Variants in RAD51B observed in about 807,000 individuals in gnomAD.
The protein encoded by RAD51B is RAD51 paralog B.
A neutral mutation model predicts 42.2 loss-of-function variants in RAD51B; 38 were observed. That is an observed-to-expected ratio of 0.90 (90% CI 0.70 to 1.18). The LOEUF (loss-of-function observed/expected upper bound fraction) is 1.18, where lower values mean the gene tolerates loss of function less well. Among genes scored for constraint, RAD51B ranks in the 50% most tolerant of loss-of-function variants. The probability of loss-of-function intolerance (pLI) is 0.00; values close to 1 mark genes in which losing one functional copy is unlikely to be tolerated. For missense variants in RAD51B, 373 were observed against 400.7 expected, an observed-to-expected ratio of 0.93 and a Z score of 0.59; for synonymous variants, 154 against 145.2, an observed-to-expected ratio of 1.06 and a Z score of -0.43.
At chr14:68,038,012 G>A (rs2076161023) in intron 7 of RAD51B, among the ~76,000 whole-genome samples, 1 of 152,182 alleles carries the variant, frequency 6.6e-6, no homozygotes, top group African/African-American at 2.4e-5. Context: ...AAGGGATCAA[G>A]CACAACTTAA....
chr14:68,299,173 T>A (rs1266500880), intron 8 of RAD51B, among the ~76,000 whole-genome samples: 2 of 152,024 alleles, frequency 1.3e-5, no homozygotes, highest in Non-Finnish European at 2.9e-5. Context: ...AATTTTAGCA[T>A]ACATCAGAAT....
chr14:68,593,697 T>C (rs1890858934), intron 10 of RAD51B, among the ~76,000 whole-genome samples: 1 of 152,174 alleles, frequency 6.6e-6, no homozygotes, highest in African/African-American at 2.4e-5. Flanking sequence ...GATGCCACTA[T>C]TGTCTAATTA....
rs1251452759 is a variant in RAD51B, at chr14:68,265,490, C to G, written c.757-26394C>G. ...GTCGGCCAGGCGCGGTGGCTCACACCTGTAATCCTAGCACTTTGGGAGGCT... is the reference window on the plus strand; with the variant it reads ...GTCGGCCAGGCGCGGTGGCTCACACGTGTAATCCTAGCACTTTGGGAGGCT... On this transcript the variant is annotated intron_variant, in intron 7 of 10. Coordinates refer to ENST00000471583, the MANE Select transcript of RAD51B (RefSeq NM_133510.4). Among the ~76,000 whole-genome samples the G allele has an allele frequency of 5.3e-5, 8 of 152,328 alleles. No homozygotes were observed. The East Asian group carries it at 1.5e-3, about 29-fold the overall frequency.
chr14:67,938,202 T>G (rs1158940055), intron 7 of RAD51B, among the ~76,000 whole-genome samples: 1 of 152,232 alleles, frequency 6.6e-6, no homozygotes, highest in Non-Finnish European at 1.5e-5. Flanking sequence ...TGTTAAGCCT[T>G]CTGGAATAAC....
intron 10 of RAD51B, chr14:68,541,800 G>T: frequency 1.0e-6 from 1 of 985,292 alleles, no homozygotes; most frequent in Non-Finnish European, 1.2e-6. Flanking sequence ...ACTTTAAATG[G>T]CCACTCTGCA....
chr14:68,248,895 A>T (rs529396680), intron 7 of RAD51B, among the ~76,000 whole-genome samples: 13 of 152,364 alleles, frequency 8.5e-5, no homozygotes, highest in African/African-American at 3.1e-4. Flanking sequence ...ATTGGGATGG[A>T]TGTGCCCATT....
At chr14:68,455,263 C>T (rs1057256320) in intron 9 of RAD51B, among the ~76,000 whole-genome samples, 2 of 152,254 alleles carry the variant, frequency 1.3e-5, no homozygotes, top group South Asian at 4.2e-4. Flanking sequence ...ATCCAGAATT[C>T]TATATCCAGC....
chr14:68,101,245 C>T (rs938684449), intron 7 of RAD51B, among the ~76,000 whole-genome samples: 1 of 152,152 alleles, frequency 6.6e-6, no homozygotes, highest in Admixed American at 6.5e-5. Context: ...AAAACTTTAT[C>T]ATTCCACCCC....
At chr14:68,065,889 G>A (rs2076642185) in intron 7 of RAD51B, among the ~76,000 whole-genome samples, 1 of 151,920 alleles carries the variant, frequency 6.6e-6, no homozygotes, top group Non-Finnish European at 1.5e-5. Context: ...ACTTCTGGTT[G>A]GGAATATAAA....
chr14:67,841,983 T>C (rs2041445007), intron 4 of RAD51B, among the ~76,000 whole-genome samples: 1 of 152,238 alleles, frequency 6.6e-6, no homozygotes, highest in African/African-American at 2.4e-5. Flanking sequence ...TTGGGAAATA[T>C]GCCATTTTAA....
At chr14:68,588,839 A>C (rs1057134585) in intron 10 of RAD51B, among the ~76,000 whole-genome samples, 3 of 152,204 alleles carry the variant, frequency 2.0e-5, no homozygotes, top group Admixed American at 6.5e-5. Flanking sequence ...TTCCCAAGCT[A>C]ATGTAATGGA....
intron 9 of RAD51B, among the ~76,000 whole-genome samples, chr14:68,414,516 C>T (rs2084500482): frequency 6.6e-6 from 1 of 152,006 alleles, no homozygotes; most frequent in African/African-American, 2.4e-5. Context: ...CTACCCCGTG[C>T]ATGGTATGGG....
intron 7 of RAD51B, among the ~76,000 whole-genome samples, chr14:68,288,116 CTG>C (rs1333376517): frequency 1.2e-4 from 19 of 152,306 alleles, no homozygotes; most frequent in African/African-American, 4.6e-4. Flanking sequence ...AGAAACCAGA[CTG>C]TGTTGAGTCT....
chr14:68,561,858 T>G, intron 10 of RAD51B: 1 of 695,688 alleles, frequency 1.4e-6, no homozygotes, highest in Non-Finnish European at 1.8e-6. Context: ...CTGGTCTCTG[T>G]AGTTTCCTCT....
At chr14:68,353,019 G>A (rs1041063665) in intron 8 of RAD51B, among the ~76,000 whole-genome samples, 1 of 152,172 alleles carries the variant, frequency 6.6e-6, no homozygotes, top group Non-Finnish European at 1.5e-5. Flanking sequence ...CCTGAAGCAA[G>A]CGCACAGCTC....
intron 7 of RAD51B, among the ~76,000 whole-genome samples, chr14:68,280,032 C>T (rs73290264): frequency 0.047 from 7,082 of 152,254 alleles, 560 homozygotes; most frequent in African/African-American, 0.16. Flanking sequence ...CTGAAACTCT[C>T]GTCATCACAT....
intron 10 of RAD51B, among the ~76,000 whole-genome samples, chr14:68,485,253 C>T (rs906960903): frequency 1.3e-5 from 2 of 152,122 alleles, no homozygotes; most frequent in African/African-American, 2.4e-5. Flanking sequence ...CCCCTTACAC[C>T]CTCACAGCCT....
In RAD51B at chr14:68,112,320, T is replaced by C. The variant is rs562096392; in HGVS notation, c.757-179564T>C. Among the ~76,000 whole-genome samples the C allele has an allele frequency of 3.4e-4, 52 of 152,132 alleles. 1 individual carries two copies. Among genetic ancestry groups the C allele is most frequent in the South Asian group, 2.3e-3 (11 of 4,820 alleles). On this transcript the variant is annotated intron_variant, in intron 7 of 10. Coordinates refer to ENST00000471583, the MANE Select transcript of RAD51B (RefSeq NM_133510.4). Reference sequence around the variant, plus strand: ...GAGGCTCAATCTCAACTGTCCTCCTTTGAGATCTCGCTTGCCATCCCCTCC... The same window carrying C: ...GAGGCTCAATCTCAACTGTCCTCCTCTGAGATCTCGCTTGCCATCCCCTCC...
chr14:68,477,629 T>C lies in RAD51B; in HGVS notation c.1037-19T>C, dbSNP rs757266294. The C allele has an allele frequency of 2.9e-6, 4 of 1,393,356 alleles. No homozygotes were observed. The highest frequency in any genetic ancestry group is 2.9e-5 in the African/African-American group (2 of 68,774). 86.3% of individuals were successfully genotyped at this position (1,393,356 alleles called of 1,614,324 possible). On this transcript the variant is annotated intron_variant, in intron 10 of 10. Transcript: ENST00000471583. ...ATTTTTTTTTTTCAAACTTTCTCTT[T>C]TTTTTTTTTTTCCTTTAGGCCAAGA...
Sources: gnomAD v4.1 joint callset for allele counts (sites outside exome capture counted in the v4.1 genomes callset) on GRCh38, gnomAD v4.1.1 for gene constraint, MANE v1.5 for transcripts, NCBI Gene and HGNC (gene_info 2026-07-23, HGNC 2026-07-21) for gene names.